CACNB2: variants seen among roughly 807,000 people sequenced by gnomAD.
CACNB2 encodes calcium voltage-gated channel auxiliary subunit beta 2.
Under a neutral mutation model 73.3 loss-of-function variants are expected in CACNB2, and 42 were observed. The ratio of observed to expected loss-of-function variants is 0.57; its 90% CI spans 0.45 to 0.74. The LOEUF is 0.74. Ranked by LOEUF, CACNB2 falls within the 30% of genes least tolerant of loss-of-function variation. CACNB2 has a pLI of 0.00. For synonymous variants in CACNB2, 348 were observed against 310.3 expected, an observed-to-expected ratio of 1.12 and a Z score of -1.28; for missense variants, 940 against 853.0, an observed-to-expected ratio of 1.10 and a Z score of -1.27.
Position 18,141,051 on chromosome 10 carries a change from T to A in CACNB2, c.120+195T>A, listed in dbSNP as rs1352822385. 6 of 1,546,396 alleles carry A rather than the reference T, an allele frequency of 3.9e-6. No homozygotes were observed. The East Asian group carries it at 1.2e-4, about 32-fold the overall frequency. ...GCCTTTTCCTGGCTCTGCCTCGGCT[T>A]CCATTTTTCTCTGCTTCCGAAAAGC... On this transcript the variant is annotated intron_variant, in intron 1 of 13. Coordinates refer to ENST00000324631, the MANE Select transcript of CACNB2 (RefSeq NM_201596.3).
chr10:18,502,816 G>A (rs1034170191), intron 5 of CACNB2, among the ~76,000 whole-genome samples: 18 of 151,736 alleles, frequency 1.2e-4, no homozygotes, highest in African/African-American at 3.9e-4. Context: ...GAGGGTGGAG[G>A]ATGGGAGGAG....
chr10:18,421,293 GT>G (rs749905752), intron 3 of CACNB2, among the ~76,000 whole-genome samples: 1 of 146,770 alleles, frequency 6.8e-6, no homozygotes, highest in Non-Finnish European at 1.5e-5. Context: ...GGTTTTTTTT[GT>G]TTTTTTGTTT....
intron 3 of CACNB2, among the ~76,000 whole-genome samples, chr10:18,418,480 A>G (rs1197347271): frequency 6.6e-6 from 1 of 152,224 alleles, no homozygotes; most frequent in African/African-American, 2.4e-5. Flanking sequence ...CCTTACTTCT[A>G]CATTTGAGTC....
At chr10:18,510,371 C>T (rs912831601) in intron 6 of CACNB2, among the ~76,000 whole-genome samples, 9 of 152,258 alleles carry the variant, frequency 5.9e-5, no homozygotes, top group Non-Finnish European at 1.3e-4. Flanking sequence ...GGCACAATCT[C>T]AGCTCACTGA....
intron 2 of CACNB2, among the ~76,000 whole-genome samples, chr10:18,307,296 T>C (rs1274219599): frequency 6.6e-6 from 1 of 152,126 alleles, no homozygotes; most frequent in Non-Finnish European, 1.5e-5. Context: ...ACCCTGTCTC[T>C]ACTAAAAATA....
chr10:18,473,538 T>C (rs905018767), intron 3 of CACNB2, among the ~76,000 whole-genome samples: 1 of 152,076 alleles, frequency 6.6e-6, no homozygotes, highest in Non-Finnish European at 1.5e-5. Context: ...AGCCTGAAAA[T>C]AGCCTTAATG....
intron 3 of CACNB2, among the ~76,000 whole-genome samples, chr10:18,474,837 A>G (rs531997621): frequency 2.8e-4 from 42 of 151,944 alleles, no homozygotes; most frequent in South Asian, 1.0e-3. Context: ...CTGCAATTCA[A>G]TTCTGACCTT....
intron 3 of CACNB2, among the ~76,000 whole-genome samples, chr10:18,403,674 C>T (rs537230117): frequency 4.6e-5 from 7 of 152,104 alleles, no homozygotes; most frequent in African/African-American, 7.2e-5. Flanking sequence ...AAGCATGGAT[C>T]GAAATGTTGC....
intron 11 of CACNB2, 52 bp downstream of exon 11, chr10:18,534,279 T>C: frequency 6.9e-7 from 1 of 1,448,808 alleles, no homozygotes; most frequent in South Asian, 1.1e-5. Context: ...CTAAAATGTA[T>C]TTTATGTTCT....
intron 2 of CACNB2, among the ~76,000 whole-genome samples, chr10:18,179,224 AG>A (rs1319644379): frequency 6.6e-6 from 1 of 152,190 alleles, no homozygotes; most frequent in Non-Finnish European, 1.5e-5. Context: ...AACATATATG[AG>A]GAAGTCTGGA....
chr10:18,445,890 T>C (rs2046709202), intron 3 of CACNB2, among the ~76,000 whole-genome samples: 1 of 152,000 alleles, frequency 6.6e-6, no homozygotes, highest in African/African-American at 2.4e-5. Flanking sequence ...AAAAATTAGC[T>C]GGGCGTGGTG....
In CACNB2 at chr10:18,518,898, G is replaced by A; in HGVS notation, c.886-12G>A. 6.2e-7 allele frequency: 1 copy of A among 1,611,884 alleles called. No homozygotes were observed. The highest frequency in any genetic ancestry group is 1.3e-5 in the African/African-American group (1 of 74,944). On this transcript the variant is annotated splice_polypyrimidine_tract_variant and intron_variant, in intron 8 of 13. Coordinates refer to ENST00000324631, the MANE Select transcript of CACNB2 (RefSeq NM_201596.3). ...TTGGTCATATCTTAATTTATTGCTT[G>A]CTCAATTGCAGGTCACAGATATGAT...
intron 5 of CACNB2, among the ~76,000 whole-genome samples, chr10:18,503,567 G>A (rs1006643484): frequency 1.4e-4 from 21 of 152,140 alleles, no homozygotes; most frequent in East Asian, 1.9e-4. Context: ...CAACTTGGGC[G>A]TCAGTGAAAC....
chr10:18,172,581 CA>C lies in CACNB2; in HGVS notation c.213+21607del, dbSNP rs138484920. Among the ~76,000 whole-genome samples, 912 of 152,194 alleles carry C rather than the reference CA, an allele frequency of 6.0e-3. 14 individuals carry two copies. Among genetic ancestry groups the C allele is most frequent in the African/African-American group, 0.021 (875 of 41,514 alleles). ...TGAAGGTGTCAGAGCTAGGAAGTGG[CA>C]GAGACTGGATGTGAAACCCTTGTCC... On this transcript the variant is annotated intron_variant, in intron 2 of 13. Transcript: ENST00000324631.
rs1468964258 is a variant in CACNB2, at chr10:18,150,791, C to T, written c.121-92C>T. 3.8e-6 allele frequency: 3 copies of T among 785,014 alleles called. No homozygotes were observed. The African/African-American group carries it at 5.6e-5, about 15-fold the overall frequency. 48.6% of individuals were successfully genotyped at this position (785,014 alleles called of 1,614,324 possible). A position where few individuals can be genotyped will look rare whatever the true frequency, so the allele number is the denominator to read the frequency against. On this transcript the variant is annotated intron_variant, in intron 1 of 13. Transcript: ENST00000324631. ...TGGCAATGTATTACTTGTTTTTGGT[C>T]TTTGACATTTTCTGCAACTAGGCCT...
chr10:18,220,276 A>AGAGAC (rs1564354242), intron 2 of CACNB2, among the ~76,000 whole-genome samples: 1 of 55,236 alleles, frequency 1.8e-5, no homozygotes, highest in African/African-American at 7.5e-5. Flanking sequence ...GAGAGAGAGA[A>AGAGAC]AGAGAGAGAA....
intron 2 of CACNB2, among the ~76,000 whole-genome samples, chr10:18,151,882 T>A (rs2031588807): frequency 6.6e-6 from 1 of 152,180 alleles, no homozygotes; most frequent in African/African-American, 2.4e-5. Flanking sequence ...CTGCCTCGTG[T>A]CATTTGGATG....
chr10:18,272,444 T>A (rs1281338750), intron 2 of CACNB2, among the ~76,000 whole-genome samples: 1 of 152,172 alleles, frequency 6.6e-6, no homozygotes, highest in African/African-American at 2.4e-5. Context: ...CGGTGGTACA[T>A]ACTAGAAATC....
chr10:18,168,392 C>T (rs866094649), intron 2 of CACNB2, among the ~76,000 whole-genome samples: 11 of 152,100 alleles, frequency 7.2e-5, no homozygotes, highest in African/African-American at 2.4e-4. Flanking sequence ...AAGTAATTTT[C>T]CCCCCAAAAT....
Sources: allele counts gnomAD v4.1 joint callset (sites outside exome capture counted in the v4.1 genomes callset), GRCh38; gene constraint gnomAD v4.1.1; transcripts MANE v1.5; gene names NCBI Gene and HGNC (gene_info 2026-07-23, HGNC 2026-07-21).